TF: variants seen among roughly 807,000 people sequenced by gnomAD.
The protein encoded by TF is serotransferrin.
In TF, 55 loss-of-function variants were observed where a neutral mutation model predicts 82.4. The ratio of observed to expected loss-of-function variants is 0.67; its 90% CI spans 0.54 to 0.84. TF has a LOEUF of 0.84. Ranked by LOEUF, TF falls within the 40% of genes least tolerant of loss-of-function variation. The probability of loss-of-function intolerance (pLI) is 0.00; values close to 1 mark genes in which losing one functional copy is unlikely to be tolerated. For synonymous variants in TF, 332 were observed against 332.6 expected, an observed-to-expected ratio of 1.00 and a Z score of 0.02; for missense variants, 737 against 868.4, an observed-to-expected ratio of 0.85 and a Z score of 1.90.
chr3:133,664,801 G>T, the TF span: 33 of 151,924 alleles, frequency 2.2e-4, no homozygotes, highest in African/African-American at 8.0e-4. Context: ...ATCCCCGGTT[G>T]GTTGACCTCC....
At chr3:133,718,022 G>C in the TF span, among the ~76,000 whole-genome samples, 1 of 151,976 alleles carries the variant, frequency 6.6e-6, no homozygotes, top group Non-Finnish European at 1.5e-5. Flanking sequence ...CTCCCTGATG[G>C]GAGCACGTTT....
the TF span, among the ~76,000 whole-genome samples, chr3:133,679,779 G>T: frequency 6.6e-6 from 1 of 152,018 alleles, no homozygotes; most frequent in South Asian, 2.1e-4. Flanking sequence ...GAACATTAGT[G>T]GACAAGTCTT....
chr3:133,672,416 C>A, the TF span, among the ~76,000 whole-genome samples: 1 of 150,482 alleles, frequency 6.6e-6, no homozygotes, highest in African/African-American at 2.4e-5. Context: ...GATAAAGAAA[C>A]CTGCAGAATG....
At chr3:133,688,095 C>G in the TF span, 1 of 152,694 alleles carries the variant, frequency 6.5e-6, no homozygotes, top group African/African-American at 2.4e-5. Flanking sequence ...TGTGTGTACC[C>G]TTCTCAGCTG....
rs1195691077 is a variant in TF at position 133,775,486 on chromosome 3, C to T, written c.1741C>T (p.Leu581=). ...KNLNEKDYEL[L]CLDGTRKPVE... is the part of the protein sequence containing the mutation. ...TCTGAATGAAAAAGACTATGAGTTG[C>T]TGTGCCTTGATGGTACCAGGAAACC... Residue 581 remains leucine, a synonymous_variant, in exon 15 of 17, where the codon CTG becomes TTG. Coordinates refer to ENST00000402696, the MANE Select transcript of TF (RefSeq NM_001063.4). 6.2e-7 allele frequency: 1 copy of T among 1,614,212 alleles called. No individual in the cohort carries two copies. The highest frequency in any genetic ancestry group is 1.1e-5 in the South Asian group (1 of 91,084).
At chr3:133,679,301 T>C in the TF span, among the ~76,000 whole-genome samples, 1 of 152,214 alleles carries the variant, frequency 6.6e-6, no homozygotes, top group Non-Finnish European at 1.5e-5. Flanking sequence ...GGATTATAGG[T>C]GGTAGCCACT....
chr3:133,796,402 A>G lies in TF; in HGVS notation c.*17782A>G. ...GAAGAATAGGGTCTGTAGGCAAGGA[A>G]TATAAGGCAGATGCATGCTCACTTC... On this transcript the variant is annotated 3_prime_UTR_variant, in exon 17 of 17. Coordinates refer to ENST00000402696, the MANE Select transcript of TF (RefSeq NM_001063.4). 1 of 152,418 alleles carries G rather than the reference A, an allele frequency of 6.6e-6. No individual in the cohort carries two copies. The allele number at this position is 152,418 out of a possible 1,614,324, so 9.4% of individuals were successfully genotyped here.
chr3:133,768,974 T>C (rs1156872863), intron 13 of TF, among the ~76,000 whole-genome samples: 4 of 151,934 alleles, frequency 2.6e-5, no homozygotes, highest in African/African-American at 7.3e-5. Context: ...TGTATTTTTT[T>C]GTAGAGACAG....
the TF span, among the ~76,000 whole-genome samples, chr3:133,725,793 T>A: frequency 6.6e-6 from 1 of 152,056 alleles, no homozygotes; most frequent in Non-Finnish European, 1.5e-5. Flanking sequence ...GGCTGTGGGT[T>A]TGTCATAGAT....
At position 133,786,526 on chromosome 3, in the gene TF, A is replaced by C. The variant is rs1347113648; in HGVS notation, c.*7906A>C. ...CATGCCTGGGCATTTTGTTTTACTTATCTGGGTATATTGTGGATCTAAAGG... is the reference window on the plus strand; with the variant it reads ...CATGCCTGGGCATTTTGTTTTACTTCTCTGGGTATATTGTGGATCTAAAGG... On this transcript the variant is annotated 3_prime_UTR_variant, in exon 17 of 17. Coordinates refer to ENST00000402696, the MANE Select transcript of TF (RefSeq NM_001063.4). 1 of 152,234 alleles carries C rather than the reference A, an allele frequency of 6.6e-6. No homozygotes were observed. The highest frequency in any genetic ancestry group is 1.9e-4 in the East Asian group (1 of 5,202). The allele number at this position is 152,234 out of a possible 1,614,324, so 9.4% of individuals were successfully genotyped here.
At chr3:133,708,352 A>G in the TF span, among the ~76,000 whole-genome samples, 1 of 152,222 alleles carries the variant, frequency 6.6e-6, no homozygotes, top group Non-Finnish European at 1.5e-5. Flanking sequence ...AGAAAATAAT[A>G]CATAGCAAGA....
intron 8 of TF, 24 bp from the exon 9 acceptor site, chr3:133,759,151 C>T: frequency 6.2e-7 from 1 of 1,611,192 alleles, no homozygotes; most frequent in South Asian, 1.1e-5. Flanking sequence ...CGCTTCTGAT[C>T]TTTGTTCTTT....
Position 133,782,840 on chromosome 3 carries a change from A to G in TF, c.*4220A>G, listed in dbSNP as rs1478851838. On this transcript the variant is annotated 3_prime_UTR_variant, in exon 17 of 17. Transcript: ENST00000402696. ...AAAACCCCAAAAAACCAAAACAACA[A>G]CAAACAAACAAGCAAACAAAACACA... 1 of 151,998 alleles carries G rather than the reference A, an allele frequency of 6.6e-6. No individual in the cohort carries two copies. The highest frequency in any genetic ancestry group is 1.5e-5 in the Non-Finnish European group (1 of 68,098). The allele number at this position is 151,998 out of a possible 1,614,324, so 9.4% of individuals were successfully genotyped here.
At chr3:133,751,134 A>G (rs1489327688) in intron 2 of TF, among the ~76,000 whole-genome samples, 1 of 152,246 alleles carries the variant, frequency 6.6e-6, no homozygotes, top group Non-Finnish European at 1.5e-5. Context: ...AGCCTTAAAA[A>G]TAAATGAAAC....
In TF at chr3:133,788,977, G is replaced by A. The variant is rs1435848247; in HGVS notation, c.*10357G>A. The stretch of plus-strand genomic sequence containing the variant: ...TTATCAAATTATAAGGATGCTAAAC[G>A]CCAGTGATTACACCCAGGAACCAAA... On this transcript the variant is annotated 3_prime_UTR_variant, in exon 17 of 17. Transcript: ENST00000402696. 3 of 152,222 alleles carry A rather than the reference G, an allele frequency of 2.0e-5. No homozygotes were observed. The highest frequency in any genetic ancestry group is 4.4e-5 in the Non-Finnish European group (3 of 68,062). The allele number at this position is 152,222 out of a possible 1,614,324, so 9.4% of individuals were successfully genotyped here. A position where few individuals can be genotyped will look rare whatever the true frequency, so the allele number is the denominator to read the frequency against.
At chr3:133,772,492 A>G (rs1240715711) in intron 14 of TF, among the ~76,000 whole-genome samples, 4 of 152,126 alleles carry the variant, frequency 2.6e-5, no homozygotes, top group African/African-American at 7.2e-5. Context: ...GTACATTGGC[A>G]TTGCAATTGT....
the TF span, among the ~76,000 whole-genome samples, chr3:133,716,705 T>A: frequency 6.6e-6 from 1 of 152,232 alleles, no homozygotes; most frequent in African/African-American, 2.4e-5. Context: ...ATTACATTAA[T>A]ACTTCTCTGC....
intron 14 of TF, among the ~76,000 whole-genome samples, chr3:133,771,743 C>CAAAAAAAAAAAAAAAAAAAAAAA (rs71136494): frequency 2.7e-4 from 15 of 56,550 alleles, no homozygotes; most frequent in East Asian, 5.1e-4. Flanking sequence ...GACTCCGTCT[C>CAAAAAAAAAAAAAAAAAAAAAAA]AAAAAAAAAA....
the TF span, among the ~76,000 whole-genome samples, chr3:133,726,932 G>T: frequency 2.6e-5 from 4 of 152,072 alleles, no homozygotes; most frequent in African/African-American, 9.7e-5. Flanking sequence ...AGTCATTCAG[G>T]AGCAGGTTGT....
Sources: allele counts gnomAD v4.1 joint callset (sites outside exome capture counted in the v4.1 genomes callset), GRCh38; gene constraint gnomAD v4.1.1; transcripts MANE v1.5; gene names NCBI Gene and HGNC (gene_info 2026-07-23, HGNC 2026-07-21).